The following CRYBG1 variants were observed in gnomAD, a reference collection of about 807,000 sequenced individuals.
CRYBG1 encodes the protein crystallin beta-gamma domain containing 1, also known as beta/gamma crystallin domain-containing protein 1.
In CRYBG1, 139 loss-of-function variants were observed where a neutral mutation model predicts 189.2. The observed-to-expected ratio is 0.73, with a 90% CI of 0.64 to 0.85. CRYBG1 has a LOEUF of 0.85. Ranked by LOEUF, CRYBG1 falls within the 40% of genes least tolerant of loss-of-function variation. CRYBG1 has a pLI of 0.00. For synonymous variants in CRYBG1, 1,023 were observed against 1,017.1 expected (o/e 1.01, Z -0.11); for missense variants, 2,611 against 2,675.8 (o/e 0.98, Z 0.53).
chr6:106,396,755 C>T (rs1448393109), intron 1 of CRYBG1, among the ~76,000 whole-genome samples: 1 of 152,232 alleles, frequency 6.6e-6, no homozygotes, highest in Non-Finnish European at 1.5e-5. Context: ...GATCTCTGCT[C>T]ACTGCAACCT....
At chr6:106,496,401 T>G (rs1582796272) in intron 2 of CRYBG1, among the ~76,000 whole-genome samples, 1 of 152,226 alleles carries the variant, frequency 6.6e-6, no homozygotes, top group Non-Finnish European at 1.5e-5. Flanking sequence ...GCTTAATAAC[T>G]ACACTGACAA....
intron 1 of CRYBG1, among the ~76,000 whole-genome samples, chr6:106,363,898 T>G (rs1771928894): frequency 6.6e-6 from 1 of 152,036 alleles, no homozygotes; most frequent in Non-Finnish European, 1.5e-5. Flanking sequence ...AAGTAGAAAC[T>G]CAGTAAATGC....
chr6:106,450,997 A>T (rs1457850236), intron 1 of CRYBG1, among the ~76,000 whole-genome samples: 1 of 152,234 alleles, frequency 6.6e-6, no homozygotes, highest in African/African-American at 2.4e-5. Flanking sequence ...GGTTAGAGCA[A>T]TCCCGACTGA....
chr6:106,504,641 G>A (rs79799764), intron 2 of CRYBG1, among the ~76,000 whole-genome samples: 18,035 of 145,620 alleles, frequency 0.12, 1,105 homozygotes, highest in African/African-American at 0.14. Flanking sequence ...TTTGCTGTGC[G>A]TGTGTGTGTT....
At chr6:106,371,177 C>T (rs546365212) in intron 1 of CRYBG1, among the ~76,000 whole-genome samples, 8 of 152,216 alleles carry the variant, frequency 5.3e-5, no homozygotes, top group African/African-American at 1.9e-4. Flanking sequence ...TGCTGTGACA[C>T]GTAATATAGT....
chr6:106,520,296 A>G lies in CRYBG1; in HGVS notation c.3088A>G (p.Ile1030Val). 6.2e-7 allele frequency: 1 copy of G among 1,614,190 alleles called. No homozygotes were observed. The highest frequency in any genetic ancestry group is 2.2e-5 in the East Asian group (1 of 44,878). The change falls in exon 4 of 22, where the codon ATA (isoleucine) becomes GTA (valine). Residue 1030 changes from isoleucine (I) to valine (V), a missense_variant. Ile to Val is a conservative substitution (Grantham distance 29). Around this residue, in one of 3 missense-constraint regions of CRYBG1, gnomAD observed 1,622 missense variants for 1,735.0 expected, o/e 0.93. Transcript: ENST00000633556. ...ELAAKSGPQV[I>V]PPASEKTLPI... ...CGCGGCAAAATCTGGCCCACAAGTCATACCGCCAGCATCAGAGAAAACTCT... is the reference window on the plus strand; with the variant it reads ...CGCGGCAAAATCTGGCCCACAAGTCGTACCGCCAGCATCAGAGAAAACTCT...
chr6:106,369,122 T>C (rs930425127), intron 1 of CRYBG1, among the ~76,000 whole-genome samples: 11 of 152,298 alleles, frequency 7.2e-5, no homozygotes, highest in Admixed American at 5.9e-4. Flanking sequence ...AAGCATACAT[T>C]TTGACAAAGT....
intron 1 of CRYBG1, among the ~76,000 whole-genome samples, chr6:106,402,790 C>T (rs935872403): frequency 2.0e-5 from 3 of 152,070 alleles, no homozygotes; most frequent in African/African-American, 7.2e-5. Flanking sequence ...CCACCGAGCC[C>T]TTGATCTATG....
At chr6:106,423,695 CTTTTTTTTTTTTT>C (rs869170326) in intron 1 of CRYBG1, among the ~76,000 whole-genome samples, 1 of 42,918 alleles carries the variant, frequency 2.3e-5, no homozygotes, top group Non-Finnish European at 5.3e-5. Context: ...TCTCCCTCCC[CTTTTTTTTTTTTT>C]TTTTTTTTTT....
At chr6:106,567,931 T>C (rs1454591050) in intron 21 of CRYBG1, among the ~76,000 whole-genome samples, 2 of 152,188 alleles carry the variant, frequency 1.3e-5, no homozygotes, top group African/African-American at 2.4e-5. Context: ...CCGCGTCCCC[T>C]TATGTACTTC....
intron 2 of CRYBG1, among the ~76,000 whole-genome samples, chr6:106,487,565 G>C (rs1003638032): frequency 5.3e-5 from 8 of 151,866 alleles, no homozygotes; most frequent in Non-Finnish European, 1.0e-4. Flanking sequence ...TTTTATTTTT[G>C]TTTATTTATT....
chr6:106,456,054 C>T (rs978532491), intron 2 of CRYBG1, among the ~76,000 whole-genome samples: 18 of 152,212 alleles, frequency 1.2e-4, no homozygotes, highest in African/African-American at 4.3e-4. Context: ...TAATCTCACT[C>T]TTGAGATTGT....
chr6:106,567,048 A>T (rs1431571260), intron 21 of CRYBG1, among the ~76,000 whole-genome samples: 1 of 152,178 alleles, frequency 6.6e-6, no homozygotes, highest in Non-Finnish European at 1.5e-5. Flanking sequence ...GAATGAATCA[A>T]ATTATTTCTC....
At chr6:106,537,274 G>T (rs541368778) in intron 8 of CRYBG1, among the ~76,000 whole-genome samples, 1 of 152,276 alleles carries the variant, frequency 6.6e-6, no homozygotes, top group East Asian at 1.9e-4. Flanking sequence ...TCGCTTGCTC[G>T]TGAGCCGTAC....
intron 4 of CRYBG1, among the ~76,000 whole-genome samples, chr6:106,523,208 G>A (rs1026345927): frequency 2.6e-5 from 4 of 152,068 alleles, no homozygotes; most frequent in Non-Finnish European, 4.4e-5. Flanking sequence ...GGAGACCCCC[G>A]CAGTGGCCTC....
intron 21 of CRYBG1, among the ~76,000 whole-genome samples, chr6:106,564,654 A>G (rs1400349930): frequency 6.6e-6 from 1 of 152,148 alleles, no homozygotes; most frequent in Non-Finnish European, 1.5e-5. Context: ...GGTGTTGCCA[A>G]TGCTGCTGGT....
rs1273269779 is a variant in CRYBG1, at chr6:106,520,502, A to G, written c.3294A>G (p.Val1098=). 1 of 1,614,188 alleles carries G rather than the reference A, an allele frequency of 6.2e-7. No individual in the cohort carries two copies. Among genetic ancestry groups the G allele is most frequent in the Admixed American group, 1.7e-5 (1 of 60,018 alleles). The change falls in exon 4 of 22, where the codon GTA becomes GTG. Residue 1098 remains valine, a synonymous_variant. Coordinates refer to ENST00000633556, the MANE Select transcript of CRYBG1 (RefSeq NM_001371242.2). ...TTTCTGCTGGTAGTGATGATAGTGT[A>G]TTTGATTCTTCTTCTGATATGGAAA... ...LNISAGSDDS[V]FDSSSDMEKF...
At chr6:106,425,467 T>C (rs913032028) in intron 1 of CRYBG1, among the ~76,000 whole-genome samples, 2 of 152,188 alleles carry the variant, frequency 1.3e-5, no homozygotes, top group Non-Finnish European at 2.9e-5. Flanking sequence ...TTTGGTCCAT[T>C]ATCATCATGC....
At chr6:106,494,379 ACG>A (rs1772795009) in intron 2 of CRYBG1, among the ~76,000 whole-genome samples, 1 of 152,226 alleles carries the variant, frequency 6.6e-6, no homozygotes, top group African/African-American at 2.4e-5. Context: ...GGTACATTTT[ACG>A]TTTTGTGCTT....
Sources: allele counts gnomAD v4.1 joint callset (sites outside exome capture counted in the v4.1 genomes callset), GRCh38; gene constraint gnomAD v4.1.1; regional missense constraint gnomAD v4.1.1; transcripts MANE v1.5; gene names NCBI Gene and HGNC (gene_info 2026-07-23, HGNC 2026-07-21).